HIBADH: variants seen among roughly 807,000 people sequenced by gnomAD.
The protein encoded by HIBADH is 3-hydroxyisobutyrate dehydrogenase.
In HIBADH, 25 loss-of-function variants were observed where a neutral mutation model predicts 36.1. That is an observed-to-expected ratio of 0.69 (90% confidence interval 0.50 to 0.97). The LOEUF is 0.97. HIBADH is among the 50% of genes least tolerant of loss of function. The pLI is 0.00. For missense variants in HIBADH, 421 were observed against 418.0 expected, an observed-to-expected ratio of 1.01 and a Z score of -0.06; for synonymous variants, 160 against 149.5, an observed-to-expected ratio of 1.07 and a Z score of -0.51.
chr7:27,602,808 CT>C lies in HIBADH; in HGVS notation c.484+26562del, dbSNP rs56920594. Among the ~76,000 whole-genome samples, 578 of 152,200 alleles carry C rather than the reference CT, an allele frequency of 3.8e-3. 1 individual carries two copies. Among genetic ancestry groups the C allele is most frequent in the African/African-American group, 0.013 (544 of 41,522 alleles). On this transcript the variant is annotated intron_variant, in intron 4 of 7. Transcript: ENST00000265395. ...TCAATTTTACATGCAAACGTACTTT[CT>C]CATTATTTACTCTTTCCTACTATGT...
intron 4 of HIBADH, among the ~76,000 whole-genome samples, chr7:27,600,925 T>C (rs1785120786): frequency 6.6e-6 from 1 of 152,164 alleles, no homozygotes; most frequent in South Asian, 2.1e-4. Flanking sequence ...GACTACTGAA[T>C]TCTCGTTCTT....
intron 4 of HIBADH, among the ~76,000 whole-genome samples, chr7:27,604,138 T>G (rs1044760326): frequency 2.6e-5 from 4 of 152,148 alleles, no homozygotes; most frequent in African/African-American, 7.2e-5. Context: ...TCTAAATGCT[T>G]CATTACTAAA....
At chr7:27,584,167 G>A (rs1190082074) in intron 4 of HIBADH, among the ~76,000 whole-genome samples, 2 of 151,986 alleles carry the variant, frequency 1.3e-5, no homozygotes, top group Admixed American at 6.6e-5. Context: ...CTGACAAATG[G>A]TGGTTTCTTA....
At position 27,589,445 on chromosome 7, in the gene HIBADH, T is replaced by G. The variant is rs566305139; in HGVS notation, c.484+39926A>C. On this transcript the variant is annotated intron_variant, in intron 4 of 7. Coordinates refer to ENST00000265395, the MANE Select transcript of HIBADH (RefSeq NM_152740.4). ...CCCCTTAATAATTCCAATAGTGATTTTAATAACAATAGGAGTAATTAACAC... is the reference window on the plus strand; with the variant it reads ...CCCCTTAATAATTCCAATAGTGATTGTAATAACAATAGGAGTAATTAACAC... 5.9e-5 allele frequency among the ~76,000 whole-genome samples: 9 copies of G among 152,316 alleles called. No individual in the cohort carries two copies. In the East Asian group the frequency reaches 1.7e-3, roughly 29 times the overall value.
chr7:27,578,931 TAATC>T (rs1484073522), intron 4 of HIBADH, among the ~76,000 whole-genome samples: 2 of 152,028 alleles, frequency 1.3e-5, no homozygotes, highest in Non-Finnish European at 2.9e-5. Flanking sequence ...AGTAAGAAAA[TAATC>T]AGACAAATCA....
intron 4 of HIBADH, among the ~76,000 whole-genome samples, chr7:27,622,249 T>TTA (rs1554299539): frequency 6.6e-6 from 1 of 151,888 alleles, no homozygotes; most frequent in African/African-American, 2.4e-5. Context: ...TATTTTTTTT[T>TTA]AAAAAAGTTA....
At chr7:27,557,663 G>A (rs550967607) in intron 4 of HIBADH, among the ~76,000 whole-genome samples, 1 of 152,270 alleles carries the variant, frequency 6.6e-6, no homozygotes, top group South Asian at 2.1e-4. Context: ...TCACATGGCA[G>A]AAGACAGAAG....
intron 4 of HIBADH, among the ~76,000 whole-genome samples, chr7:27,589,201 A>G (rs903419864): frequency 1.3e-5 from 2 of 152,222 alleles, no homozygotes; most frequent in African/African-American, 4.8e-5. Context: ...CAGATTAACA[A>G]AAAAGGGTAA....
chr7:27,614,936 A>G (rs1425290468), intron 4 of HIBADH, among the ~76,000 whole-genome samples: 1 of 152,196 alleles, frequency 6.6e-6, no homozygotes. Context: ...AATAGGACTG[A>G]TCTGATCTCT....
At chr7:27,532,442 T>A (rs1784015911) in intron 6 of HIBADH, among the ~76,000 whole-genome samples, 1 of 152,234 alleles carries the variant, frequency 6.6e-6, no homozygotes, top group South Asian at 2.1e-4. Context: ...ACTCTGTGTG[T>A]CTAAAACACA....
intron 4 of HIBADH, among the ~76,000 whole-genome samples, chr7:27,573,728 C>T (rs573005905): frequency 6.6e-6 from 1 of 152,276 alleles, no homozygotes; most frequent in South Asian, 2.1e-4. Context: ...CAACATGTGG[C>T]TGCTGAGAAC....
At chr7:27,567,794 G>A (rs1583573381) in intron 4 of HIBADH, among the ~76,000 whole-genome samples, 1 of 152,202 alleles carries the variant, frequency 6.6e-6, no homozygotes, top group East Asian at 1.9e-4. Flanking sequence ...GTTGTCATCT[G>A]TATTACATTT....
chr7:27,551,982 T>C (rs919729261), intron 4 of HIBADH, among the ~76,000 whole-genome samples: 4 of 152,200 alleles, frequency 2.6e-5, no homozygotes, highest in African/African-American at 7.2e-5. Context: ...CTTGCTATGG[T>C]GTCTCTATTG....
intron 5 of HIBADH, chr7:27,541,640 A>G (rs1784153352): frequency 2.8e-6 from 1 of 358,662 alleles, no homozygotes; most frequent in Non-Finnish European, 5.3e-6. Flanking sequence ...GTATCAGGCA[A>G]TTCAACTTTT....
rs1786191425 is a variant in HIBADH, at chr7:27,651,358, AAT to A, written c.92-1727_92-1726del. ...GGCGCTAAGTTTAATACACTGGTAT[AAT>A]AGTACACTGGTATAATAGTACACTG... On this transcript the variant is annotated intron_variant, in intron 1 of 7. Transcript: ENST00000265395. 3.9e-4 allele frequency among the ~76,000 whole-genome samples: 3 copies of A among 7,626 alleles called. No individual in the cohort carries two copies. In the African/African-American group the frequency reaches 4.3e-3, roughly 11 times the overall value. The allele number at this position is 7,626 out of a possible 152,430, so 5.0% of individuals were successfully genotyped here. A position where few individuals can be genotyped will look rare whatever the true frequency, so the allele number is the denominator to read the frequency against.
intron 4 of HIBADH, among the ~76,000 whole-genome samples, chr7:27,624,088 G>A (rs55869540): frequency 0.022 from 3,384 of 152,172 alleles, 53 homozygotes; most frequent in Non-Finnish European, 0.036. Context: ...ATAAGCCACC[G>A]CATGCCCGGC....
At chr7:27,533,142 T>C (rs1784025927) in intron 6 of HIBADH, among the ~76,000 whole-genome samples, 1 of 152,164 alleles carries the variant, frequency 6.6e-6, no homozygotes, top group Non-Finnish European at 1.5e-5. Flanking sequence ...CTTCCTTCTT[T>C]CTAATCTACC....
chr7:27,661,827 T>C (rs535620378), intron 1 of HIBADH, among the ~76,000 whole-genome samples: 2 of 152,228 alleles, frequency 1.3e-5, no homozygotes, highest in South Asian at 2.1e-4. Flanking sequence ...CCTGGTGTGA[T>C]AGAAAGTTAA....
rs527384706 is a variant in HIBADH, at chr7:27,539,656, T to C, written c.619-1239A>G. Among the ~76,000 whole-genome samples, 5 of 152,290 alleles carry C rather than the reference T, an allele frequency of 3.3e-5. No homozygotes were observed. In the South Asian group the frequency reaches 6.2e-4, roughly 19 times the overall value. ...ATAGAGAGGACTATGGCAAGTACAGTTGACCCTTGAATGATGAGGGGGTTA... is the reference window on the plus strand; with the variant it reads ...ATAGAGAGGACTATGGCAAGTACAGCTGACCCTTGAATGATGAGGGGGTTA... On this transcript the variant is annotated intron_variant, in intron 5 of 7. Coordinates refer to ENST00000265395, the MANE Select transcript of HIBADH (RefSeq NM_152740.4).
Sources: gnomAD v4.1 joint callset for allele counts (sites outside exome capture counted in the v4.1 genomes callset) on GRCh38, gnomAD v4.1.1 for gene constraint, MANE v1.5 for transcripts, NCBI Gene and HGNC (gene_info 2026-07-23, HGNC 2026-07-21) for gene names.